Variants in LRP3 observed in about 807,000 individuals in gnomAD.
LRP3 encodes the protein LDL receptor related protein 3.
In LRP3, 49 loss-of-function variants were observed where a neutral mutation model predicts 58.5. That is an observed-to-expected ratio of 0.84 (90% CI 0.67 to 1.06). The LOEUF (loss-of-function observed/expected upper bound fraction) is 1.06, where lower values mean the gene tolerates loss of function less well. Among genes scored for constraint, LRP3 ranks in the 50% least tolerant of loss-of-function variants. LRP3 has a pLI of 0.00. For missense variants in LRP3, 1,019 were observed against 1,134.2 expected (o/e 0.90, Z 1.46); for synonymous variants, 485 against 492.2 (o/e 0.99, Z 0.20).
In LRP3 at chr19:33,207,122, C is replaced by T. The variant is rs927913201; in HGVS notation, c.1860C>T (p.Gly620=). 8 of 1,530,426 alleles carry T rather than the reference C, an allele frequency of 5.2e-6. No individual in the cohort carries two copies. The highest frequency in any genetic ancestry group is 7.0e-6 in the Non-Finnish European group (8 of 1,142,262). 94.8% of individuals were successfully genotyped at this position (1,530,426 alleles called of 1,614,324 possible). ...TTCACCGGCCGCGGGCGCCCCGAGG[C>T]CAGATCCCACTGCTGACCGCAGCAC... ...RLFHRPRAPR[G]QIPLLTAARP... Residue 620 remains glycine (G), a synonymous_variant, in exon 7 of 7, where the codon GGC becomes GGT. Coordinates refer to ENST00000253193, the MANE Select transcript of LRP3 (RefSeq NM_002333.4).
chr19:33,204,637 G>A lies in LRP3; in HGVS notation c.261-1G>A, dbSNP rs1194753187. 1 of 1,602,546 alleles carries A rather than the reference G, an allele frequency of 6.2e-7. No individual in the cohort carries two copies. The highest frequency in any genetic ancestry group is 2.2e-5 in the East Asian group (1 of 44,748). On this transcript the variant is annotated splice_acceptor_variant, in intron 3 of 6. Transcript: ENST00000253193. LOFTEE classifies it high-confidence loss of function. ...TCTGGGTCCTCTCCGCCCCCCCGCAGCTTCCGCAACTTTGACGTGGAGGAG... is the reference window on the plus strand; with the variant it reads ...TCTGGGTCCTCTCCGCCCCCCCGCAACTTCCGCAACTTTGACGTGGAGGAG...
chr19:33,207,496 TG>T lies in LRP3; in HGVS notation c.2239del (p.Val747SerfsTer31). 6.2e-7 allele frequency: 1 copy of T among 1,602,484 alleles called. No homozygotes were observed. ...STLGPHSPEP[L>X]GVCRNPPPPC... is the part of the protein sequence containing the mutation. ...CTGGGCCCCCACTCGCCAGAGCCACTGGGGGTCTGCAGGAACCCCCCGCCCC... is the reference window on the plus strand; with the variant it reads ...CTGGGCCCCCACTCGCCAGAGCCACTGGGGTCTGCAGGAACCCCCCGCCCC... On this transcript the variant is annotated frameshift_variant, in exon 7 of 7. Transcript: ENST00000253193. LOFTEE classifies it high-confidence loss of function.
rs1974262288 is a variant in LRP3, at chr19:33,194,446, G to A, written c.-340G>A. On this transcript the variant is annotated 5_prime_UTR_variant, in exon 1 of 7. Coordinates refer to ENST00000253193, the MANE Select transcript of LRP3 (RefSeq NM_002333.4). ...GCGCGCCGCGGGGCATGGGCGCGCC[G>A]GGGGTCCCCGGGCCCAGGCCGGCCG... is the stretch of plus-strand genomic sequence containing the variant. 1 of 144,214 alleles carries A rather than the reference G, an allele frequency of 6.9e-6. No homozygotes were observed. The highest frequency in any genetic ancestry group is 1.5e-5 in the Non-Finnish European group (1 of 65,086). The allele number at this position is 144,214 out of a possible 1,614,324, so 8.9% of individuals were successfully genotyped here. A position where few individuals can be genotyped will look rare whatever the true frequency, so the allele number is the denominator to read the frequency against.
intron 1 of LRP3, 64 bp downstream of exon 1, chr19:33,194,922 G>A: frequency 1.1e-6 from 1 of 898,116 alleles, no homozygotes; most frequent in Non-Finnish European, 1.4e-6. Context: ...GCCGCGCCCT[G>A]ACCGACCTCC....
At chr19:33,196,046 T>G in intron 1 of LRP3, among the ~76,000 whole-genome samples, 1 of 150,634 alleles carries the variant, frequency 6.6e-6, no homozygotes, top group African/African-American at 2.4e-5. Context: ...GAGCAGAAGG[T>G]GAAAGTAAGG....
Position 33,207,042 on chromosome 19 carries a change from G to GCCTCCCGCCGGGGGC in LRP3, c.1791_1805dup (p.Gly598_Arg602dup), listed in dbSNP as rs940832283. The GCCTCCCGCCGGGGGC allele has an allele frequency of 7.4e-6, 11 of 1,478,808 alleles. No individual in the cohort carries two copies. The Admixed American group carries it at 7.8e-5, about 11-fold the overall frequency. The allele number at this position is 1,478,808 out of a possible 1,614,324, so 91.6% of individuals were successfully genotyped here. On this transcript the variant is annotated inframe_insertion, in exon 7 of 7. Transcript: ENST00000253193. Reference sequence around the variant, plus strand: ...CATGCGGAGACAGATGCGTCGGCACGCCTCCCGCCGGGGGCCCTCCCGCCG... The same window carrying GCCTCCCGCCGGGGGC: ...CATGCGGAGACAGATGCGTCGGCACGCCTCCCGCCGGGGGCCCTCCCGCCGGGGGCCCTCCCGCCG...
In LRP3 at chr19:33,204,725, C is replaced by T. The variant is rs149801586; in HGVS notation, c.348C>T (p.Ala116=). The change falls in exon 4 of 7, where the codon GCC becomes GCT. Residue 116 remains alanine, a synonymous_variant. Transcript: ENST00000253193. Reference sequence around the variant, plus strand: ...CAGCAGCCCCACCCCGCCAGGAGGCCTTCCGCCTCTGTGGCTCCGCCATCC... The same window carrying T: ...CAGCAGCCCCACCCCGCCAGGAGGCTTTCCGCCTCTGTGGCTCCGCCATCC... ...LGPAAPPRQE[A]FRLCGSAIPP... 2.7e-4 allele frequency: 432 copies of T among 1,611,334 alleles called. No homozygotes were observed. Among genetic ancestry groups the T allele is most frequent in the Non-Finnish European group, 3.5e-4 (411 of 1,179,930 alleles).
chr19:33,205,125 G>T, intron 4 of LRP3, 121 bp from the exon 5 acceptor site: 1 of 1,112,356 alleles, frequency 9.0e-7, no homozygotes, highest in Non-Finnish European at 1.3e-6. Context: ...CCCTGGTGTT[G>T]GAGGGGTCTC....
intron 1 of LRP3, 149 bp downstream of exon 1, chr19:33,195,007 T>G: frequency 4.0e-6 from 1 of 247,784 alleles, no homozygotes; most frequent in Non-Finnish European, 6.8e-6. Flanking sequence ...CCAGCACCGC[T>G]TGCCCGCCTG....
chr19:33,205,158 C>A, intron 4 of LRP3, 88 bp from the exon 5 acceptor site: 2 of 1,419,668 alleles, frequency 1.4e-6, no homozygotes, highest in Non-Finnish European at 1.9e-6. Flanking sequence ...GATGGGGAAC[C>A]ACCTGCCCGC....
chr19:33,207,667 A>C lies in LRP3; in HGVS notation c.*92A>C, dbSNP rs542550279. 1.6e-3 allele frequency: 1,753 copies of C among 1,067,848 alleles called. 4 individuals are homozygous for C. Among genetic ancestry groups the C allele is most frequent in the Non-Finnish European group, 2.3e-3 (1,644 of 724,202 alleles). The allele number at this position is 1,067,848 out of a possible 1,614,324, so 66.1% of individuals were successfully genotyped here. A position where few individuals can be genotyped will look rare whatever the true frequency, so the allele number is the denominator to read the frequency against. On this transcript the variant is annotated 3_prime_UTR_variant, in exon 7 of 7. Transcript: ENST00000253193. ...CCTGCCTCTGCGTCCTTTCTTATGG[A>C]GAGGCCCTCCGGGGACCCCAGCGGA...
chr19:33,194,941 C>T (rs1599930929), intron 1 of LRP3, 83 bp downstream of exon 1: 1 of 675,324 alleles, frequency 1.5e-6, no homozygotes, highest in Non-Finnish European at 1.9e-6. Context: ...CCTCTCCGGC[C>T]GCGGCATCCC....
chr19:33,205,437 C>T lies in LRP3; in HGVS notation c.667C>T (p.Arg223Cys), dbSNP rs772389814. 45 of 1,587,726 alleles carry T rather than the reference C, an allele frequency of 2.8e-5. No homozygotes were observed. The Admixed American group carries it at 2.9e-4, about 10-fold the overall frequency. Residue 223 changes from arginine (R) to cysteine (C), a missense_variant, in exon 5 of 7, where the codon CGC becomes TGC. Arg to Cys is a radical substitution (Grantham distance 180, BLOSUM62 -3). Transcript: ENST00000253193. ...PGGTFPCSGA[R>C]STRCLPVERR... Reference sequence around the variant, plus strand: ...GGGGACCTTCCCATGCAGCGGGGCGCGCTCCACGCGCTGCCTGCCTGTGGA... The same window carrying T: ...GGGGACCTTCCCATGCAGCGGGGCGTGCTCCACGCGCTGCCTGCCTGTGGA...
chr19:33,207,262 C>T lies in LRP3; in HGVS notation c.2000C>T (p.Pro667Leu), dbSNP rs1483078907. 1 of 1,550,260 alleles carries T rather than the reference C, an allele frequency of 6.5e-7. No individual in the cohort carries two copies. The highest frequency in any genetic ancestry group is 8.6e-7 in the Non-Finnish European group (1 of 1,156,180). The change falls in exon 7 of 7, where the codon CCC becomes CTC. Residue 667 changes from proline to leucine, a missense_variant. Pro to Leu is a moderately conservative substitution (Grantham distance 98, BLOSUM62 -3). This residue lies in a region of LRP3 where 427 missense variants were observed against 408.6 expected (regional missense o/e 1.04). Coordinates refer to ENST00000253193, the MANE Select transcript of LRP3 (RefSeq NM_002333.4). ...TGSTRAAGDR[P>L]PSAPGRAPEV... is the part of the protein sequence containing the mutation. ...AGCACCAGGGCGGCCGGAGACAGGC[C>T]CCCCAGTGCCCCCGGCCGTGCACCG...
Position 33,208,705 on chromosome 19 carries a change from G to T in LRP3, c.*1130G>T. 1.4e-6 allele frequency: 1 copy of T among 718,536 alleles called. No homozygotes were observed. Among genetic ancestry groups the T allele is most frequent in the Non-Finnish European group, 2.3e-6 (1 of 435,312 alleles). The allele number at this position is 718,536 out of a possible 1,614,324, so 44.5% of individuals were successfully genotyped here. A position where few individuals can be genotyped will look rare whatever the true frequency, so the allele number is the denominator to read the frequency against. ...TTATTTATAGGCCTTTTCAGGAAGA[G>T]CTAGCAGGGCAGTGCTAAGACAGGA... On this transcript the variant is annotated 3_prime_UTR_variant, in exon 7 of 7. Transcript: ENST00000253193. The surrounding 1 kb of genome is among the most constrained non-coding windows in gnomAD (Gnocchi z 4.7).
At chr19:33,201,795 G>A (rs1387739377) in intron 2 of LRP3, among the ~76,000 whole-genome samples, 1 of 152,174 alleles carries the variant, frequency 6.6e-6, no homozygotes, top group East Asian at 1.9e-4. Flanking sequence ...GGGGCCAGCC[G>A]CCTGGTCCTG....
rs780151986 is a variant in LRP3, at chr19:33,202,964, C to T, written c.238C>T (p.Arg80Cys). 5.6e-6 allele frequency: 9 copies of T among 1,613,014 alleles called. No homozygotes were observed. Among genetic ancestry groups the T allele is most frequent in the Admixed American group, 3.3e-5 (2 of 59,928 alleles). Residue 80 changes from arginine to cysteine, a missense_variant, in exon 3 of 7, where the codon CGT becomes TGT. Arg to Cys is a radical substitution (Grantham distance 180, BLOSUM62 -3). Around this residue, in one of 2 missense-constraint regions of LRP3, gnomAD observed 592 missense variants for 725.5 expected, o/e 0.82. Coordinates refer to ENST00000253193, the MANE Select transcript of LRP3 (RefSeq NM_002333.4). Reference sequence around the variant, plus strand: ...CTGCAGCTGGTACATCCAGGGCGACCGTGGTGACATGATTACCATCAGGTA... The same window carrying T: ...CTGCAGCTGGTACATCCAGGGCGACTGTGGTGACATGATTACCATCAGGTA... ...TNCSWYIQGD[R>C]GDMITISFRN... is the part of the protein sequence containing the mutation.
At position 33,206,115 on chromosome 19, in the gene LRP3, GAGA is replaced by G. The variant is rs775268969; in HGVS notation, c.1350_1352del (p.Lys450del). ...GAAAAGCTGTCCCGACGGCGCCGACGAGAAGAACTGCTTCTCCTGCCAGCCCGG... is the reference window on the plus strand; with the variant it reads ...GAAAAGCTGTCCCGACGGCGCCGACGAGAACTGCTTCTCCTGCCAGCCCGG... On this transcript the variant is annotated inframe_deletion, in exon 5 of 7. Coordinates refer to ENST00000253193, the MANE Select transcript of LRP3 (RefSeq NM_002333.4). 6.2e-7 allele frequency: 1 copy of G among 1,609,590 alleles called. No homozygotes were observed. Among genetic ancestry groups the G allele is most frequent in the South Asian group, 1.1e-5 (1 of 90,918 alleles).
intron 2 of LRP3, among the ~76,000 whole-genome samples, chr19:33,198,986 G>A (rs1234985498): frequency 6.6e-6 from 1 of 152,158 alleles, no homozygotes; most frequent in African/African-American, 2.4e-5. Flanking sequence ...AAAGGACACT[G>A]GCCCGAAAGT....
Sources: gnomAD v4.1 joint callset for allele counts (sites outside exome capture counted in the v4.1 genomes callset) on GRCh38, gnomAD v4.1.1 for gene constraint, gnomAD v4.1.1 regional missense constraint, Gnocchi (gnomAD v3.1) non-coding constraint, MANE v1.5 for transcripts, NCBI Gene and HGNC (gene_info 2026-07-23, HGNC 2026-07-21) for gene names.